SGCA: variants seen among roughly 807,000 people sequenced by gnomAD.
SGCA encodes the protein alpha-sarcoglycan.
Under a neutral mutation model 38.1 loss-of-function variants are expected in SGCA, and 34 were observed. The ratio of observed to expected loss-of-function variants is 0.89; its 90% confidence interval spans 0.68 to 1.19. The LOEUF is 1.19. Among genes scored for constraint, SGCA ranks in the 50% most tolerant of loss-of-function variants. SGCA has a pLI of 0.00. For missense variants in SGCA, 476 were observed against 524.9 expected (o/e 0.91, Z 0.91); for synonymous variants, 209 against 214.6 (o/e 0.97, Z 0.23).
chr17:50,168,918 C>T (rs1905149185), intron 5 of SGCA, among the ~76,000 whole-genome samples, 174 bp from the exon 6 acceptor site: 1 of 152,064 alleles, frequency 6.6e-6, no homozygotes, highest in South Asian at 2.1e-4. Flanking sequence ...ACTGTGACTC[C>T]TGCCAGACCC....
intron 9 of SGCA, 130 bp downstream of exon 9, chr17:50,175,579 C>A (rs892295568): frequency 3.6e-6 from 3 of 841,714 alleles, no homozygotes; most frequent in Non-Finnish European, 5.8e-6. Context: ...CCCTCTGAGG[C>A]CGCTGCTGGG....
chr17:50,172,456 T>C (rs1905531473), intron 8 of SGCA: 1 of 353,910 alleles, frequency 2.8e-6, no homozygotes, highest in Non-Finnish European at 5.7e-6. Flanking sequence ...TGCATGTGTG[T>C]GTGCACATGC....
intron 8 of SGCA, among the ~76,000 whole-genome samples, chr17:50,173,551 A>G (rs1905654419): frequency 6.6e-6 from 1 of 152,106 alleles, no homozygotes; most frequent in Non-Finnish European, 1.5e-5. Flanking sequence ...ACATTTTTCC[A>G]CCTGTGTGTT....
intron 6 of SGCA, 78 bp from the exon 7 acceptor site, chr17:50,170,064 TC>T: frequency 8.1e-7 from 1 of 1,236,134 alleles, no homozygotes; most frequent in South Asian, 1.2e-5. Flanking sequence ...TGCCTCCTAG[TC>T]CTGGCCCCTG....
rs182535883 is a variant in SGCA at position 50,170,289 on chromosome 17, G to C, written c.894G>C (p.Leu298=). 24 of 1,614,234 alleles carry C rather than the reference G, an allele frequency of 1.5e-5. No homozygotes were observed. In the Admixed American group the frequency reaches 3.7e-4, roughly 25 times the overall value. ...VDALVTLLVP[L]LVALLLTLLL... is the part of the protein sequence containing the mutation. ...CTCTGGTCACCCTCCTGGTGCCCCT[G>C]CTGGTGGCCCTGCTTCTCACCTTGC... The change falls in exon 7 of 10, where the codon CTG becomes CTC. Residue 298 remains leucine (L), a synonymous_variant. Transcript: ENST00000262018.
chr17:50,171,348 T>C, intron 8 of SGCA: 6 of 366,224 alleles, frequency 1.6e-5, no homozygotes, highest in South Asian at 1.2e-4. Flanking sequence ...TTTCCCCTAC[T>C]CATGGCCTTA....
intron 6 of SGCA, chr17:50,169,727 G>A: frequency 2.9e-6 from 1 of 343,122 alleles, no homozygotes; most frequent in Non-Finnish European, 5.5e-6. Flanking sequence ...AGGTTCACAG[G>A]ATCCCACGGC....
rs142537375 is a variant in SGCA at position 50,167,322 on chromosome 17, G to C, written c.38-46G>C. The C allele has an allele frequency of 7.7e-3, 12,482 of 1,613,482 alleles. 98 individuals carry two copies. Among genetic ancestry groups the C allele is most frequent in the Middle Eastern group, 0.031 (186 of 6,060 alleles). On this transcript the variant is annotated intron_variant, in intron 1 of 9. Transcript: ENST00000262018. This position sits in a 1 kb window ranked among gnomAD's most constrained non-coding sequence, Gnocchi z 4.5. Reference sequence around the variant, plus strand: ...GGGAAGGGAGCTTATCCCCTGCCCAGGACTGAGGCTGGCCTGTGTGTTTGG... The same window carrying C: ...GGGAAGGGAGCTTATCCCCTGCCCACGACTGAGGCTGGCCTGTGTGTTTGG...
At chr17:50,172,483 T>G (rs1236042237) in intron 8 of SGCA, 3 of 332,044 alleles carry the variant, frequency 9.0e-6, no homozygotes, top group Non-Finnish European at 1.8e-5. Flanking sequence ...GGATTTTATT[T>G]TTTAAAAAAT....
chr17:50,175,463 G>T lies in SGCA; in HGVS notation c.*12+14G>T, dbSNP rs761188156. 2 of 1,605,008 alleles carry T rather than the reference G, an allele frequency of 1.2e-6. No individual in the cohort carries two copies. Among genetic ancestry groups the T allele is most frequent in the South Asian group, 1.1e-5 (1 of 90,600 alleles). Reference sequence around the variant, plus strand: ...CAGCCTAGCCAGGTAGGTCTGGTGGGTGATGCCAGCCTTATTTCTGGGAAC... The same window carrying T: ...CAGCCTAGCCAGGTAGGTCTGGTGGTTGATGCCAGCCTTATTTCTGGGAAC... On this transcript the variant is annotated intron_variant, in intron 9 of 9. Coordinates refer to ENST00000262018, the MANE Select transcript of SGCA (RefSeq NM_000023.4).
Position 50,167,522 on chromosome 17 carries a change from T to G in SGCA, c.157+35T>G. Reference sequence around the variant, plus strand: ...CTGACAGGCACCCAGGCGGGCGGGCTGGGGTGTACCCCGCAGGGCTCCTGC... The same window carrying G: ...CTGACAGGCACCCAGGCGGGCGGGCGGGGGTGTACCCCGCAGGGCTCCTGC... On this transcript the variant is annotated intron_variant, in intron 2 of 9. Transcript: ENST00000262018. This position sits in a 1 kb window ranked among gnomAD's most constrained non-coding sequence, Gnocchi z 4.5. 2 of 1,614,086 alleles carry G rather than the reference T, an allele frequency of 1.2e-6. No individual in the cohort carries two copies. Among genetic ancestry groups the G allele is most frequent in the Non-Finnish European group, 1.7e-6 (2 of 1,180,016 alleles).
chr17:50,169,991 T>A, intron 6 of SGCA, 152 bp from the exon 7 acceptor site: 1 of 699,038 alleles, frequency 1.4e-6, no homozygotes. Context: ...AACCAGGAGG[T>A]CAGACCCTAG....
chr17:50,174,613 C>G (rs1285783554), intron 8 of SGCA, among the ~76,000 whole-genome samples: 2 of 151,966 alleles, frequency 1.3e-5, no homozygotes, highest in African/African-American at 4.8e-5. Flanking sequence ...TCCCGAAGTG[C>G]TGGGATTACA....
intron 8 of SGCA, 126 bp from the exon 9 acceptor site, chr17:50,175,131 T>C (rs532126154): frequency 3.4e-6 from 3 of 884,634 alleles, no homozygotes; most frequent in Admixed American, 2.0e-5. Flanking sequence ...TGCCCCTGCA[T>C]CATGTGTCTG....
chr17:50,166,690 T>TCA (rs1326055765), intron 1 of SGCA, among the ~76,000 whole-genome samples: 1 of 112,070 alleles, frequency 8.9e-6, no homozygotes, highest in African/African-American at 3.5e-5. Context: ...ACACACACCC[T>TCA]CACACACACC....
At chr17:50,172,228 C>T (rs1317858149) in intron 8 of SGCA, 2 of 457,066 alleles carry the variant, frequency 4.4e-6, no homozygotes, top group Middle Eastern at 3.2e-4. Flanking sequence ...CTGGCCTCCA[C>T]AGACTTGTGC....
rs1567747120 is a variant in SGCA, at chr17:50,175,833, A to G, written c.*134A>G. On this transcript the variant is annotated 3_prime_UTR_variant, in exon 10 of 10. Transcript: ENST00000262018. Reference sequence around the variant, plus strand: ...ACCCAGGCTCTAAACAAGCAGGGAGAGGGGGTGGGGTGGGGTGAGAGTGTG... The same window carrying G: ...ACCCAGGCTCTAAACAAGCAGGGAGGGGGGGTGGGGTGGGGTGAGAGTGTG... The G allele has an allele frequency of 2.1e-6, 1 of 469,264 alleles. No homozygotes were observed. Among genetic ancestry groups the G allele is most frequent in the Admixed American group, 2.4e-5 (1 of 42,542 alleles). The allele number at this position is 469,264 out of a possible 1,614,324, so 29.1% of individuals were successfully genotyped here. A position where few individuals can be genotyped will look rare whatever the true frequency, so the allele number is the denominator to read the frequency against.
intron 8 of SGCA, 86 bp from the exon 9 acceptor site, chr17:50,175,171 A>G: frequency 8.0e-7 from 1 of 1,253,318 alleles, no homozygotes; most frequent in Non-Finnish European, 1.1e-6. Context: ...GGTGGGGAGG[A>G]CCGCAGGGTG....
chr17:50,171,776 C>A (rs745545693), intron 8 of SGCA: 1 of 456,780 alleles, frequency 2.2e-6, no homozygotes, highest in East Asian at 6.9e-5. Flanking sequence ...ATAGGCATTT[C>A]GGGCCATGTC....
Sources: allele counts gnomAD v4.1 joint callset (sites outside exome capture counted in the v4.1 genomes callset), GRCh38; gene constraint gnomAD v4.1.1; non-coding constraint Gnocchi (gnomAD v3.1); transcripts MANE v1.5; gene names NCBI Gene and HGNC (gene_info 2026-07-23, HGNC 2026-07-21).